Variants in ACAD8 observed in about 807,000 individuals in gnomAD.
ACAD8 encodes acyl-CoA dehydrogenase family member 8.
ACAD8 carries 47 observed loss-of-function variants against 53.1 expected under a neutral mutation model. The ratio of observed to expected loss-of-function variants is 0.89; its 90% CI spans 0.70 to 1.13. The LOEUF is 1.13. ACAD8 is among the 50% of genes most tolerant of loss of function. ACAD8 has a pLI of 0.00. For missense variants in ACAD8, 494 were observed against 535.0 expected (o/e 0.92, Z 0.76); for synonymous variants, 198 against 201.3 (o/e 0.98, Z 0.14).
intron 1 of ACAD8, 97 bp downstream of exon 1, chr11:134,253,806 C>G: frequency 7.9e-7 from 1 of 1,263,038 alleles, no homozygotes; most frequent in Non-Finnish European, 1.1e-6. Flanking sequence ...TCCAGTCACC[C>G]CGGCGTCAGC....
Sources: gnomAD v4.1 joint callset for allele counts on GRCh38, gnomAD v4.1.1 for gene constraint, MANE v1.5 for transcripts, NCBI Gene and HGNC (gene_info 2026-07-23, HGNC 2026-07-21) for gene names.